Variants in LUC7L observed in about 807,000 individuals in gnomAD.
LUC7L encodes putative RNA-binding protein Luc7-like 1.
LUC7L carries 29 observed loss-of-function variants against 51.1 expected under a neutral mutation model. The ratio of observed to expected loss-of-function variants is 0.57; its 90% CI spans 0.42 to 0.77. LUC7L has a LOEUF of 0.77. LUC7L is among the 30% of genes least tolerant of loss of function. LUC7L has a pLI of 0.00. For missense variants in LUC7L, 403 were observed against 511.9 expected, an observed-to-expected ratio of 0.79 and a Z score of 2.05; for synonymous variants, 181 against 180.7, an observed-to-expected ratio of 1.00 and a Z score of -0.01.
chr16:228,874 G>A, intron 1 of LUC7L: 1 of 1,310,712 alleles, frequency 7.6e-7, no homozygotes, highest in Non-Finnish European at 1.0e-6. Flanking sequence ...CGGCTCCCTC[G>A]GGTGTAGCTT....
chr16:220,299 A>C, intron 3 of LUC7L: 1 of 167,596 alleles, frequency 6.0e-6, no homozygotes, highest in Non-Finnish European at 1.3e-5. Context: ...CAACCTGGGC[A>C]AACAGAAACA....
chr16:201,430 C>T (rs1848007214), intron 5 of LUC7L, among the ~76,000 whole-genome samples: 1 of 151,780 alleles, frequency 6.6e-6, no homozygotes, highest in Non-Finnish European at 1.5e-5. Flanking sequence ...CTGTATGATT[C>T]CATTTACATA....
Position 229,447 on chromosome 16 carries a change from T to C in LUC7L, c.-108A>G. On this transcript the variant is annotated 5_prime_UTR_variant, in exon 1 of 10. Transcript: ENST00000293872. ...CGTCGGCCTCGAGCCCACTCGGCTC[T>C]TTCCCGCCGCGGGGGACGCCGGGAG... 1 of 995,430 alleles carries C rather than the reference T, an allele frequency of 1.0e-6. No homozygotes were observed. Among genetic ancestry groups the C allele is most frequent in the Non-Finnish European group, 1.4e-6 (1 of 726,368 alleles). The allele number at this position is 995,430 out of a possible 1,614,324, so 61.7% of individuals were successfully genotyped here.
chr16:222,951 T>TAAA (rs376499817), intron 2 of LUC7L, among the ~76,000 whole-genome samples: 1 of 119,892 alleles, frequency 8.3e-6, no homozygotes, highest in Non-Finnish European at 1.8e-5. Flanking sequence ...CCCCGTCTTT[T>TAAA]AAAAAAAAAA....
At chr16:226,371 C>T (rs2050133546) in intron 2 of LUC7L, among the ~76,000 whole-genome samples, 1 of 152,106 alleles carries the variant, frequency 6.6e-6, no homozygotes, top group Non-Finnish European at 1.5e-5. Context: ...TACAGGACTC[C>T]TTTTCTCTCA....
intron 7 of LUC7L, among the ~76,000 whole-genome samples, chr16:191,569 G>A (rs192855559): frequency 1.2e-4 from 19 of 152,216 alleles, no homozygotes; most frequent in East Asian, 1.9e-4. Flanking sequence ...ACAAACGGCC[G>A]GGCGTGGTGG....
intron 5 of LUC7L, among the ~76,000 whole-genome samples, chr16:205,568 G>A (rs577568336): frequency 6.6e-6 from 1 of 152,204 alleles, no homozygotes; most frequent in African/African-American, 2.4e-5. Context: ...TAGCTATGAA[G>A]CTAAAACTGC....
chr16:211,642 A>G, intron 3 of LUC7L, among the ~76,000 whole-genome samples: 1 of 152,202 alleles, frequency 6.6e-6, no homozygotes, highest in Non-Finnish European at 1.5e-5. Context: ...GATTCCAAAA[A>G]TTAAGTCCTA....
At chr16:203,594 G>C (rs1477264165) in intron 5 of LUC7L, among the ~76,000 whole-genome samples, 3 of 152,024 alleles carry the variant, frequency 2.0e-5, no homozygotes, top group Non-Finnish European at 4.4e-5. Context: ...TTCAGTCCTA[G>C]CTATTTGAAA....
At chr16:218,205 A>AG (rs2049863409) in intron 3 of LUC7L, among the ~76,000 whole-genome samples, 1 of 151,620 alleles carries the variant, frequency 6.6e-6, no homozygotes, top group African/African-American at 2.4e-5. Context: ...AAAAAAAAAA[A>AG]GGAAGAATTT....
rs889073767 is a variant in LUC7L at position 193,117 on chromosome 16, T to TAA, written c.688-104_688-103dup. ...TTATATGAGCTCAGTATTGGTAATT[T>TAA]AAAAATTGAAGGGACACTTTTAGGA... On this transcript the variant is annotated intron_variant, in intron 6 of 9. Transcript: ENST00000293872. 20 of 932,884 alleles carry TAA rather than the reference T, an allele frequency of 2.1e-5. No homozygotes were observed. In the African/African-American group the frequency reaches 3.1e-4, roughly 14 times the overall value. The allele number at this position is 932,884 out of a possible 1,614,324, so 57.8% of individuals were successfully genotyped here.
At chr16:195,744 A>G (rs567161919) in intron 6 of LUC7L, among the ~76,000 whole-genome samples, 14 of 152,240 alleles carry the variant, frequency 9.2e-5, no homozygotes, top group Admixed American at 9.2e-4. Context: ...AGTTTTTAAA[A>G]AAATTAAGGA....
At chr16:203,190 C>T (rs182404210) in intron 5 of LUC7L, among the ~76,000 whole-genome samples, 78 of 152,206 alleles carry the variant, frequency 5.1e-4, no homozygotes, top group Middle Eastern at 6.8e-3. Flanking sequence ...TCTGCCAAAA[C>T]TCACACAAGA....
At chr16:227,556 G>A in intron 1 of LUC7L, 1 of 1,374,900 alleles carries the variant, frequency 7.3e-7, no homozygotes, top group Non-Finnish European at 9.4e-7. Context: ...AATGAGATCT[G>A]ACTCCATCAC....
intron 9 of LUC7L, 190 bp from the exon 10 acceptor site, chr16:189,529 T>A: frequency 2.2e-6 from 3 of 1,389,186 alleles, no homozygotes; most frequent in South Asian, 3.7e-5. Context: ...AAAGTGACCT[T>A]TGCGAAGATT....
intron 1 of LUC7L, chr16:228,374 T>C (rs1170429957): frequency 7.7e-7 from 1 of 1,303,828 alleles, no homozygotes; most frequent in Admixed American, 2.3e-5. Context: ...CCTTGCAGAT[T>C]GATGTAGGCA....
intron 3 of LUC7L, chr16:208,460 C>A: frequency 2.4e-6 from 1 of 412,950 alleles, no homozygotes; most frequent in Non-Finnish European, 3.8e-6. Flanking sequence ...CCCTCAATAA[C>A]ATTACAAAGA....
At chr16:214,131 G>A (rs1018849248) in intron 3 of LUC7L, among the ~76,000 whole-genome samples, 2 of 150,918 alleles carry the variant, frequency 1.3e-5, no homozygotes, top group Non-Finnish European at 3.0e-5. Flanking sequence ...GCAATGGCAC[G>A]ATCTCGGCTC....
intron 6 of LUC7L, among the ~76,000 whole-genome samples, chr16:198,211 G>A (rs1376916998): frequency 1.3e-5 from 2 of 149,662 alleles, no homozygotes; most frequent in Non-Finnish European, 3.0e-5. Context: ...CCTGGGAGGC[G>A]GAGCTTGCAG....
Sources: gnomAD v4.1 joint callset for allele counts (sites outside exome capture counted in the v4.1 genomes callset) on GRCh38, gnomAD v4.1.1 for gene constraint, MANE v1.5 for transcripts, NCBI Gene and HGNC (gene_info 2026-07-23, HGNC 2026-07-21) for gene names.